Variants in NMNAT3 observed in about 807,000 individuals in gnomAD.
NMNAT3 encodes nicotinamide nucleotide adenylyltransferase 3.
A neutral mutation model predicts 24.8 loss-of-function variants in NMNAT3; 21 were observed. The observed-to-expected ratio is 0.85, with a 90% confidence interval of 0.60 to 1.22. The LOEUF is 1.22. Among genes scored for constraint, NMNAT3 ranks in the 50% most tolerant of loss-of-function variants. NMNAT3 has a pLI of 0.00. For synonymous variants in NMNAT3, 136 were observed against 155.2 expected (o/e 0.88, Z 0.92); for missense variants, 387 against 436.6 (o/e 0.89, Z 1.01).
At chr3:139,605,476 C>T (rs1289551791) in intron 3 of NMNAT3, among the ~76,000 whole-genome samples, 1 of 152,110 alleles carries the variant, frequency 6.6e-6, no homozygotes, top group African/African-American at 2.4e-5. Context: ...CAGGGGAGTT[C>T]TGGGCTGAAC....
intron 1 of NMNAT3, among the ~76,000 whole-genome samples, chr3:139,650,379 T>C (rs925784983): frequency 2.0e-5 from 3 of 152,244 alleles, no homozygotes; most frequent in African/African-American, 7.2e-5. Context: ...GCAGAGGGAA[T>C]GCTCTATCTG....
intron 2 of NMNAT3, among the ~76,000 whole-genome samples, chr3:139,630,103 T>G (rs895975793): frequency 1.3e-5 from 2 of 152,160 alleles, no homozygotes; most frequent in African/African-American, 4.8e-5. Context: ...CATGGTCACA[T>G]CATAACCTCA....
intron 1 of NMNAT3, among the ~76,000 whole-genome samples, chr3:139,669,398 C>T (rs2057685060): frequency 6.8e-6 from 1 of 146,252 alleles, no homozygotes; most frequent in African/African-American, 2.5e-5. Context: ...CTGCTTGAAC[C>T]TGGGAGGCGG....
intron 3 of NMNAT3, among the ~76,000 whole-genome samples, chr3:139,584,904 TA>T (rs1423911584): frequency 3.3e-5 from 5 of 152,240 alleles, no homozygotes; most frequent in Admixed American, 3.3e-4. Flanking sequence ...AGAGGCATGT[TA>T]AAATCTCTCA....
chr3:139,645,026 A>T (rs1169371740), intron 1 of NMNAT3, among the ~76,000 whole-genome samples: 3 of 152,086 alleles, frequency 2.0e-5, no homozygotes, highest in Non-Finnish European at 4.4e-5. Context: ...AAATGGTGAG[A>T]CCTCATCTCT....
chr3:139,567,660 T>C (rs1937460319), intron 6 of NMNAT3: 1 of 152,258 alleles, frequency 6.6e-6, no homozygotes, highest in African/African-American at 2.4e-5. Flanking sequence ...TTTGCATATG[T>C]TGAACCAGCC....
chr3:139,561,612 A>G (rs981378691), intron 6 of NMNAT3, among the ~76,000 whole-genome samples: 2 of 152,198 alleles, frequency 1.3e-5, no homozygotes, highest in Non-Finnish European at 2.9e-5. Context: ...TTTGTTTAAT[A>G]TTGGAAAAGT....
At chr3:139,631,498 A>G (rs978128880) in intron 2 of NMNAT3, among the ~76,000 whole-genome samples, 1 of 152,162 alleles carries the variant, frequency 6.6e-6, no homozygotes, top group African/African-American at 2.4e-5. Context: ...GCTATTGGGG[A>G]AGGCTTCTCA....
chr3:139,651,286 T>G (rs910245838), intron 1 of NMNAT3, among the ~76,000 whole-genome samples: 1 of 152,176 alleles, frequency 6.6e-6, no homozygotes, highest in Non-Finnish European at 1.5e-5. Context: ...CATTATATGA[T>G]TTTCATTTTA....
At chr3:139,561,504 T>C in intron 6 of NMNAT3, 112 bp from the exon 7 acceptor site, 2 of 984,590 alleles carry the variant, frequency 2.0e-6, no homozygotes, top group Middle Eastern at 5.1e-4. Flanking sequence ...GAGAACTCAG[T>C]GTCTCCATGT....
intron 2 of NMNAT3, among the ~76,000 whole-genome samples, chr3:139,633,716 C>G (rs2056393161): frequency 6.6e-6 from 1 of 152,086 alleles, no homozygotes; most frequent in African/African-American, 2.4e-5. Context: ...GGGAGGTGAG[C>G]TGAAAGATGT....
chr3:139,647,504 T>A (rs1031162227), intron 1 of NMNAT3, among the ~76,000 whole-genome samples: 1 of 152,092 alleles, frequency 6.6e-6, no homozygotes, highest in Non-Finnish European at 1.5e-5. Flanking sequence ...GGAAAAAGGG[T>A]CATTGCAGAT....
rs1473374570 is a variant in NMNAT3, at chr3:139,573,901, T to C, written c.576-221A>G. Among the ~76,000 whole-genome samples, 6 of 152,328 alleles carry C rather than the reference T, an allele frequency of 3.9e-5. No homozygotes were observed. In the East Asian group the frequency reaches 7.7e-4, roughly 20 times the overall value. ...TCCTGTCCAAGACAGTCCACTACTT[T>C]CCATGTGACATGGGTGAAGGCAGGG... On this transcript the variant is annotated intron_variant, in intron 5 of 6. Transcript: ENST00000643695.
intron 5 of NMNAT3, among the ~76,000 whole-genome samples, chr3:139,574,946 T>G (rs901058682): frequency 2.6e-5 from 4 of 152,190 alleles, no homozygotes; most frequent in Non-Finnish European, 5.9e-5. Context: ...GTGTCTCTAG[T>G]TTCCTCATCT....
intron 3 of NMNAT3, among the ~76,000 whole-genome samples, chr3:139,623,363 C>G (rs2055888285): frequency 6.6e-6 from 1 of 152,152 alleles, no homozygotes; most frequent in African/African-American, 2.4e-5. Context: ...ATGCATGGAG[C>G]TGTCATCTAT....
rs867225852 is a variant in NMNAT3 at position 139,596,938 on chromosome 3, A to G, written c.110-13730T>C. The stretch of plus-strand genomic sequence containing the variant: ...TGTGTATATATATATATATATATAT[A>G]TATATATATATATATATATATATAT... On this transcript the variant is annotated intron_variant, in intron 3 of 6. Coordinates refer to ENST00000643695, the MANE Select transcript of NMNAT3 (RefSeq NM_001320510.2). Among the ~76,000 whole-genome samples, 603 of 104,870 alleles carry G rather than the reference A, an allele frequency of 5.7e-3. 16 individuals carry two copies. The highest frequency in any genetic ancestry group is 0.013 in the South Asian group (37 of 2,892). 68.8% of individuals were successfully genotyped at this position (104,870 alleles called of 152,430 possible).
chr3:139,604,387 A>G (rs1192448185), intron 3 of NMNAT3, among the ~76,000 whole-genome samples: 1 of 152,256 alleles, frequency 6.6e-6, no homozygotes, highest in Admixed American at 6.5e-5. Context: ...CATTTTATGT[A>G]TGCATTGCTG....
At chr3:139,642,189 C>A (rs1382972863) in intron 1 of NMNAT3, among the ~76,000 whole-genome samples, 1 of 152,198 alleles carries the variant, frequency 6.6e-6, no homozygotes, top group Non-Finnish European at 1.5e-5. Flanking sequence ...TGCAGTATTA[C>A]TTTTCTCCAG....
Position 139,593,181 on chromosome 3 carries a change from C to T in NMNAT3, c.110-9973G>A, listed in dbSNP as rs370851396. Among the ~76,000 whole-genome samples the T allele has an allele frequency of 1.2e-4, 19 of 152,082 alleles. 1 individual carries two copies. In the South Asian group the frequency reaches 3.3e-3, roughly 27 times the overall value. Reference sequence around the variant, plus strand: ...CAGGGGTTGCAATCCTAGTCTCTGACAAAACAGACTTTAAACCAACAAAGA... The same window carrying T: ...CAGGGGTTGCAATCCTAGTCTCTGATAAAACAGACTTTAAACCAACAAAGA... On this transcript the variant is annotated intron_variant, in intron 3 of 6. Coordinates refer to ENST00000643695, the MANE Select transcript of NMNAT3 (RefSeq NM_001320510.2).
Sources: gnomAD v4.1 joint callset for allele counts (sites outside exome capture counted in the v4.1 genomes callset) on GRCh38, gnomAD v4.1.1 for gene constraint, MANE v1.5 for transcripts, NCBI Gene and HGNC (gene_info 2026-07-23, HGNC 2026-07-21) for gene names.